The following PRKG2 variants were observed in gnomAD, a reference collection of about 807,000 sequenced individuals.
PRKG2 encodes protein kinase cGMP-dependent 2, also known as cGMP-dependent protein kinase 2.
A neutral mutation model predicts 97.2 loss-of-function variants in PRKG2; 33 were observed. The observed-to-expected ratio is 0.34, with a 90% CI of 0.26 to 0.45. The LOEUF (loss-of-function observed/expected upper bound fraction) is 0.45, where lower values mean the gene tolerates loss of function less well. PRKG2 is among the 20% of genes least tolerant of loss of function. The pLI is 1.00. For missense variants in PRKG2, 638 were observed against 900.0 expected (o/e 0.71, Z 3.73); for synonymous variants, 330 against 321.8 (o/e 1.03, Z -0.27).
chr4:81,096,256 G>T (rs957575636), intron 17 of PRKG2, among the ~76,000 whole-genome samples: 3 of 152,084 alleles, frequency 2.0e-5, no homozygotes, highest in Non-Finnish European at 2.9e-5. Context: ...TAAAACTGAG[G>T]TTAGGCTGGG....
At chr4:81,187,444 C>G (rs1751984543) in intron 2 of PRKG2, among the ~76,000 whole-genome samples, 1 of 152,020 alleles carries the variant, frequency 6.6e-6, no homozygotes, top group Non-Finnish European at 1.5e-5. Flanking sequence ...GCTAAAAACT[C>G]TCAATGAACT....
intron 15 of PRKG2, among the ~76,000 whole-genome samples, chr4:81,109,800 C>T (rs903453717): frequency 1.3e-4 from 20 of 151,976 alleles, no homozygotes; most frequent in Admixed American, 9.8e-4. Flanking sequence ...TGTGTGTTTG[C>T]GTAGGTGTGT....
intron 1 of PRKG2, among the ~76,000 whole-genome samples, chr4:81,206,397 T>C (rs188806340): frequency 2.2e-4 from 33 of 152,290 alleles, no homozygotes; most frequent in African/African-American, 7.9e-4. Flanking sequence ...TGATAGTGAA[T>C]AGGTCTCATG....
chr4:81,140,186 T>C (rs1747136810), intron 12 of PRKG2, among the ~76,000 whole-genome samples: 1 of 151,990 alleles, frequency 6.6e-6, no homozygotes, highest in African/African-American at 2.4e-5. Context: ...GAAGGGGAGA[T>C]GGTTAATGGG....
Position 81,174,852 on chromosome 4 carries a change from T to C in PRKG2, c.569A>G (p.Gln190Arg). ...TTGCTTAATAATGTAACTCCCTTGC[T>C]GATAGTTTCTCCCATACATGCATTC... ...MVECMYGRNY[Q>R]QGSYIIKQGE... is the part of the protein sequence containing the mutation. Residue 190 changes from glutamine to arginine, a missense_variant, in exon 3 of 19, where the codon CAG becomes CGG. Physicochemically the swap from Gln to Arg is conservative, Grantham distance 43. This residue lies in a region of PRKG2 where 332 missense variants were observed against 421.7 expected (regional missense o/e 0.79). Transcript: ENST00000264399. The C allele has an allele frequency of 6.2e-7, 1 of 1,613,440 alleles. No individual in the cohort carries two copies. Among genetic ancestry groups the C allele is most frequent in the Non-Finnish European group, 8.5e-7 (1 of 1,179,518 alleles).
intron 13 of PRKG2, among the ~76,000 whole-genome samples, chr4:81,135,604 A>T (rs1048850521): frequency 6.6e-6 from 1 of 152,198 alleles, no homozygotes; most frequent in Non-Finnish European, 1.5e-5. Flanking sequence ...TTAGACACCC[A>T]TCACAAACTC....
At chr4:81,152,489 G>A (rs1041445653) in intron 7 of PRKG2, among the ~76,000 whole-genome samples, 1 of 152,134 alleles carries the variant, frequency 6.6e-6, no homozygotes, top group Non-Finnish European at 1.5e-5. Context: ...TTGACTGGCC[G>A]AATCCTGTGC....
chr4:81,106,036 T>G (rs1457083461), intron 15 of PRKG2, 101 bp from the exon 16 acceptor site: 16 of 1,340,780 alleles, frequency 1.2e-5, no homozygotes, highest in Non-Finnish European at 1.6e-5. Context: ...CTCCCTTCTT[T>G]CATTTCTTCC....
chr4:81,164,388 T>G (rs1467762939), intron 6 of PRKG2, among the ~76,000 whole-genome samples: 2 of 151,962 alleles, frequency 1.3e-5, no homozygotes, highest in African/African-American at 4.8e-5. Flanking sequence ...TCATAAACTG[T>G]AGCGAAATCT....
chr4:81,184,046 A>G lies in PRKG2; in HGVS notation c.462-9087T>C, dbSNP rs187662530. On this transcript the variant is annotated intron_variant, in intron 2 of 18. Transcript: ENST00000264399. ...CTCCCTGGAACAGAGCACCTGGGGG[A>G]AAGGGCAGCAGTAAGTGCAGCTTCA... Among the ~76,000 whole-genome samples, 331 of 152,304 alleles carry G rather than the reference A, an allele frequency of 2.2e-3. 3 individuals are homozygous for G. The highest frequency in any genetic ancestry group is 7.7e-3 in the African/African-American group (322 of 41,576).
chr4:81,154,781 C>G (rs992114034), intron 6 of PRKG2, among the ~76,000 whole-genome samples: 1 of 152,202 alleles, frequency 6.6e-6, no homozygotes, highest in African/African-American at 2.4e-5. Context: ...ATGACTTTGA[C>G]GAGCTGCGAG....
At chr4:81,129,372 G>A (rs920089779) in intron 14 of PRKG2, among the ~76,000 whole-genome samples, 2 of 151,996 alleles carry the variant, frequency 1.3e-5, no homozygotes, top group African/African-American at 4.8e-5. Context: ...AAATATTCCA[G>A]GAATATTTAA....
intron 7 of PRKG2, 180 bp downstream of exon 7, chr4:81,153,464 G>T (rs1748620584): frequency 1.9e-6 from 1 of 527,580 alleles, no homozygotes; most frequent in Non-Finnish European, 3.3e-6. Flanking sequence ...TTCTTAGGGG[G>T]TCCTGTGGCC....
intron 3 of PRKG2, among the ~76,000 whole-genome samples, chr4:81,173,577 A>G (rs2110085917): frequency 6.6e-6 from 1 of 152,242 alleles, no homozygotes; most frequent in South Asian, 2.1e-4. Context: ...CTAAATTAAG[A>G]CTATAACTCA....
At chr4:81,135,334 A>G (rs759993232) in intron 13 of PRKG2, 38 bp from the exon 14 acceptor site, 1 of 1,600,662 alleles carries the variant, frequency 6.2e-7, no homozygotes, top group Non-Finnish European at 8.5e-7. Flanking sequence ...TACTTTGGAT[A>G]CACATCTTTG....
chr4:81,175,751 C>T (rs1031004004), intron 2 of PRKG2, among the ~76,000 whole-genome samples: 1 of 152,258 alleles, frequency 6.6e-6, no homozygotes, highest in African/African-American at 2.4e-5. Flanking sequence ...TAATGCTCTG[C>T]TTTATTTTGG....
intron 6 of PRKG2, among the ~76,000 whole-genome samples, chr4:81,160,061 T>C (rs1354452243): frequency 6.6e-6 from 1 of 151,964 alleles, no homozygotes; most frequent in Non-Finnish European, 1.5e-5. Context: ...TATACATATG[T>C]AACTGACCTG....
rs1375877349 is a variant in PRKG2, at chr4:81,088,594, T to G, written c.*1114A>C. On this transcript the variant is annotated 3_prime_UTR_variant, in exon 19 of 19. Coordinates refer to ENST00000264399, the MANE Select transcript of PRKG2 (RefSeq NM_006259.3). The stretch of plus-strand genomic sequence containing the variant: ...GGAGGGATGCTGTTGTCCCTTTTAC[T>G]TCTGAAATCCTATCACTTTTCTGGT... The G allele has an allele frequency of 6.6e-6, 1 of 152,164 alleles. No individual in the cohort carries two copies. Among genetic ancestry groups the G allele is most frequent in the African/African-American group, 2.4e-5 (1 of 41,442 alleles). 9.4% of individuals were successfully genotyped at this position (152,164 alleles called of 1,614,324 possible). A position where few individuals can be genotyped will look rare whatever the true frequency, so the allele number is the denominator to read the frequency against.
intron 2 of PRKG2, among the ~76,000 whole-genome samples, chr4:81,189,524 C>T (rs988187885): frequency 6.8e-6 from 1 of 147,302 alleles, no homozygotes; most frequent in East Asian, 2.0e-4. Context: ...AAAAACCAAA[C>T]ACCGCGTATT....
Sources: gnomAD v4.1 joint callset for allele counts (sites outside exome capture counted in the v4.1 genomes callset) on GRCh38, gnomAD v4.1.1 for gene constraint, gnomAD v4.1.1 regional missense constraint, MANE v1.5 for transcripts, NCBI Gene and HGNC (gene_info 2026-07-23, HGNC 2026-07-21) for gene names.